The following DOCK1 variants were observed in gnomAD, a reference collection of about 807,000 sequenced individuals.
DOCK1 encodes dedicator of cytokinesis 1, also known as dedicator of cytokinesis protein 1.
Under a neutral mutation model 262.7 loss-of-function variants are expected in DOCK1, and 138 were observed. That is an observed-to-expected ratio of 0.53 (90% CI 0.46 to 0.61). The LOEUF is 0.61. Among genes scored for constraint, DOCK1 ranks in the 20% least tolerant of loss-of-function variants. DOCK1 has a pLI of 0.00. For missense variants in DOCK1, 1,908 were observed against 2,370.7 expected (o/e 0.80, Z 4.05); for synonymous variants, 866 against 867.4 (o/e 1.00, Z 0.03).
In DOCK1 at chr10:127,176,255, C is replaced by T. The variant is rs112335081; in HGVS notation, c.2847+48491C>T. Reference sequence around the variant, plus strand: ...GTGCCTCGCAGATATCCTTAAACCGCACCTGCAGGGCTTTGTTCCGTTTTT... The same window carrying T: ...GTGCCTCGCAGATATCCTTAAACCGTACCTGCAGGGCTTTGTTCCGTTTTT... On this transcript the variant is annotated intron_variant, in intron 27 of 51. Transcript: ENST00000623213. The surrounding 1 kb of genome is among the most constrained non-coding windows in gnomAD (Gnocchi z 4.4). 3.2e-5 allele frequency: 52 copies of T among 1,614,042 alleles called. 3 individuals carry two copies. In the African/African-American group the frequency reaches 3.6e-4, roughly 11 times the overall value.
intron 21 of DOCK1, among the ~76,000 whole-genome samples, chr10:127,048,309 C>A (rs1198871654): frequency 6.6e-6 from 1 of 151,784 alleles, no homozygotes; most frequent in Admixed American, 6.6e-5. Context: ...TGTGAAATGT[C>A]TGTTCAAATC....
intron 25 of DOCK1, among the ~76,000 whole-genome samples, chr10:127,111,103 G>A (rs2048837652): frequency 6.6e-6 from 1 of 152,156 alleles, no homozygotes; most frequent in Non-Finnish European, 1.5e-5. Flanking sequence ...TCTTGGTGTT[G>A]TTCTCAGTTC....
intron 21 of DOCK1, among the ~76,000 whole-genome samples, chr10:127,048,413 A>G (rs558717346): frequency 6.6e-6 from 1 of 150,936 alleles, no homozygotes; most frequent in Non-Finnish European, 1.5e-5. Context: ...AAATATATGT[A>G]TTTTTTTTTG....
chr10:127,124,769 C>T (rs1440718616), intron 25 of DOCK1, among the ~76,000 whole-genome samples: 1 of 152,156 alleles, frequency 6.6e-6, no homozygotes, highest in Non-Finnish European at 1.5e-5. Context: ...TTGGCATCTT[C>T]TACCTAGGAG....
At chr10:127,193,911 G>A (rs903676861) in intron 27 of DOCK1, among the ~76,000 whole-genome samples, 3 of 152,192 alleles carry the variant, frequency 2.0e-5, no homozygotes, top group African/African-American at 7.2e-5. Context: ...CAGACATGGA[G>A]CTTCCCAGCT....
intron 1 of DOCK1, among the ~76,000 whole-genome samples, chr10:126,951,062 GTAT>G (rs2036176475): frequency 6.6e-6 from 1 of 151,798 alleles, no homozygotes; most frequent in Non-Finnish European, 1.5e-5. Context: ...GGTGGTGGTA[GTAT>G]TGTTTTTGGT....
intron 29 of DOCK1, among the ~76,000 whole-genome samples, chr10:127,280,448 G>A (rs1019529432): frequency 2.6e-5 from 4 of 152,036 alleles, no homozygotes; most frequent in South Asian, 2.1e-4. Flanking sequence ...CACATTTCAC[G>A]CAGCATCATG....
intron 27 of DOCK1, among the ~76,000 whole-genome samples, chr10:127,246,045 A>G (rs765236182): frequency 1.2e-4 from 18 of 152,182 alleles, no homozygotes; most frequent in Non-Finnish European, 2.2e-4. Flanking sequence ...TGGGCAGAGT[A>G]CTTCGAAGCC....
At chr10:127,421,537 C>T (rs573032194) in intron 46 of DOCK1, among the ~76,000 whole-genome samples, 20 of 152,312 alleles carry the variant, frequency 1.3e-4, no homozygotes, top group African/African-American at 4.6e-4. Context: ...TACATTCACA[C>T]TGTTGTACAA....
At chr10:127,255,159 G>A (rs1198022329) in intron 28 of DOCK1, among the ~76,000 whole-genome samples, 1 of 152,128 alleles carries the variant, frequency 6.6e-6, no homozygotes, top group African/African-American at 2.4e-5. Context: ...CAACACTTTG[G>A]GAGGCCGAGG....
chr10:127,147,204 AGGATTGTGGTGGACTG>A (rs1389708399), intron 27 of DOCK1, among the ~76,000 whole-genome samples: 1 of 152,168 alleles, frequency 6.6e-6, no homozygotes, highest in East Asian at 1.9e-4. Context: ...GAAGCCGTCA[AGGATTGTGGTGGACTG>A]GGATGTTCTC....
At chr10:127,249,468 C>T (rs1225290686) in intron 28 of DOCK1, among the ~76,000 whole-genome samples, 1 of 149,726 alleles carries the variant, frequency 6.7e-6, no homozygotes, top group Non-Finnish European at 1.5e-5. Flanking sequence ...CACACGCAGT[C>T]GTGTGTTGCT....
At chr10:127,173,315 C>T (rs1337927655) in intron 27 of DOCK1, among the ~76,000 whole-genome samples, 2 of 152,176 alleles carry the variant, frequency 1.3e-5, no homozygotes, top group African/African-American at 2.4e-5. Flanking sequence ...AGCCCTTGCC[C>T]AAGCCCTCAG....
intron 27 of DOCK1, among the ~76,000 whole-genome samples, chr10:127,193,938 A>G (rs956406773): frequency 6.6e-6 from 1 of 152,172 alleles, no homozygotes; most frequent in Non-Finnish European, 1.5e-5. Context: ...TTGTTAGCCT[A>G]TTTCTTAACC....
intron 29 of DOCK1, among the ~76,000 whole-genome samples, chr10:127,281,084 CTT>C (rs768006205): frequency 6.6e-6 from 1 of 152,208 alleles, no homozygotes; most frequent in Non-Finnish European, 1.5e-5. Flanking sequence ...GTGAGGGAGA[CTT>C]TGCTTCTGTG....
intron 1 of DOCK1, among the ~76,000 whole-genome samples, chr10:126,963,735 G>A (rs888734771): frequency 4.7e-5 from 7 of 148,168 alleles, no homozygotes; most frequent in Admixed American, 6.9e-5. Context: ...TTAGATGATT[G>A]CGAAAAATAA....
At chr10:127,169,118 G>A (rs1210028746) in intron 27 of DOCK1, among the ~76,000 whole-genome samples, 1 of 152,088 alleles carries the variant, frequency 6.6e-6, no homozygotes, top group East Asian at 1.9e-4. Context: ...TCTGCTGCTG[G>A]GAGAATGAGA....
chr10:127,420,074 C>A (rs192401251), intron 46 of DOCK1, among the ~76,000 whole-genome samples: 4 of 152,210 alleles, frequency 2.6e-5, no homozygotes, highest in East Asian at 1.9e-4. Flanking sequence ...AGCCATGAAG[C>A]CTTGAGCTCT....
intron 22 of DOCK1, among the ~76,000 whole-genome samples, chr10:127,055,572 A>C (rs1472701372): frequency 6.6e-6 from 1 of 152,180 alleles, no homozygotes; most frequent in Non-Finnish European, 1.5e-5. Context: ...GTTAGGGAGA[A>C]ATAGATAATG....
Sources: allele counts gnomAD v4.1 joint callset (sites outside exome capture counted in the v4.1 genomes callset), GRCh38; gene constraint gnomAD v4.1.1; non-coding constraint Gnocchi (gnomAD v3.1); transcripts MANE v1.5; gene names NCBI Gene and HGNC (gene_info 2026-07-23, HGNC 2026-07-21).